The following AUTS2 variants were observed in gnomAD, a reference collection of about 807,000 sequenced individuals.
AUTS2 encodes activator of transcription and developmental regulator AUTS2.
Under a neutral mutation model 112.4 loss-of-function variants are expected in AUTS2, and 17 were observed. That is an observed-to-expected ratio of 0.15 (90% CI 0.10 to 0.23). The LOEUF (loss-of-function observed/expected upper bound fraction) is 0.23. Among genes scored for constraint, AUTS2 ranks in the 10% least tolerant of loss-of-function variants. The pLI is 1.00. For synonymous variants in AUTS2, 751 were observed against 702.7 expected (o/e 1.07, Z -1.09); for missense variants, 1,510 against 1,701.6 (o/e 0.89, Z 1.98).
chr7:69,862,824 A>G (rs920518264), intron 1 of AUTS2, among the ~76,000 whole-genome samples: 2 of 152,142 alleles, frequency 1.3e-5, no homozygotes, highest in Non-Finnish European at 2.9e-5. Context: ...TGATATGAAA[A>G]GGCAGCGGGA....
At chr7:70,527,762 A>T (rs944540863) in intron 5 of AUTS2, among the ~76,000 whole-genome samples, 1 of 152,202 alleles carries the variant, frequency 6.6e-6, no homozygotes, top group African/African-American at 2.4e-5. Context: ...CTGGGGGGGA[A>T]GTGTCAGTAT....
rs548853459 is a variant in AUTS2 at position 69,734,110 on chromosome 7, G to A, written c.309+134148G>A. 7.2e-5 allele frequency among the ~76,000 whole-genome samples: 11 copies of A among 152,222 alleles called. No homozygotes were observed. In the South Asian group the frequency reaches 1.2e-3, roughly 17 times the overall value. On this transcript the variant is annotated intron_variant, in intron 1 of 18. Coordinates refer to ENST00000342771, the MANE Select transcript of AUTS2 (RefSeq NM_015570.4). ...ACAAGCTCTTAATTACTCTGAATCC[G>A]TCTTTGTCTTAATAAAAGTTGGATT...
rs190497579 is a variant in AUTS2 at position 70,362,959 on chromosome 7, A to G, written c.661-72793A>G. On this transcript the variant is annotated intron_variant, in intron 4 of 18. Transcript: ENST00000342771. ...TGTTAAAGAAAGATAAATTATCTCA[A>G]TAACTCTGGAATGACATCAACCCCA... Among the ~76,000 whole-genome samples the G allele has an allele frequency of 2.1e-4, 32 of 152,326 alleles. 1 individual carries two copies. The highest frequency in any genetic ancestry group is 4.1e-4 in the Non-Finnish European group (28 of 68,032).
intron 5 of AUTS2, among the ~76,000 whole-genome samples, chr7:70,557,285 C>G (rs1801290875): frequency 6.6e-6 from 1 of 152,184 alleles, no homozygotes; most frequent in South Asian, 2.1e-4. Context: ...CACCCAGAAG[C>G]TGAAGACCCT....
chr7:70,157,356 G>T (rs936917491), intron 4 of AUTS2, among the ~76,000 whole-genome samples: 1 of 152,088 alleles, frequency 6.6e-6, no homozygotes, highest in East Asian at 1.9e-4. Context: ...TTGGCTCATT[G>T]CAGCCTCAAC....
At chr7:69,836,028 A>G (rs1791707423) in intron 1 of AUTS2, among the ~76,000 whole-genome samples, 1 of 152,178 alleles carries the variant, frequency 6.6e-6, no homozygotes, top group Non-Finnish European at 1.5e-5. Context: ...AGAAGCCACC[A>G]TTTATCTGTT....
At chr7:70,765,347 CA>C (rs1308137180) in intron 8 of AUTS2, among the ~76,000 whole-genome samples, 1 of 152,164 alleles carries the variant, frequency 6.6e-6, no homozygotes, top group East Asian at 1.9e-4. Context: ...GAAGCGTCCC[CA>C]AGCCCATGTC....
intron 1 of AUTS2, among the ~76,000 whole-genome samples, chr7:69,792,010 C>A (rs1789625721): frequency 1.3e-5 from 2 of 152,016 alleles, no homozygotes; most frequent in South Asian, 4.2e-4. Context: ...TGTCGATAGG[C>A]ATTCCTGCAG....
chr7:70,776,475 G>A (rs1265931590), intron 13 of AUTS2, among the ~76,000 whole-genome samples: 2 of 152,300 alleles, frequency 1.3e-5, no homozygotes, highest in East Asian at 3.9e-4. Context: ...AGAACAGGAA[G>A]GAAGGAATAT....
intron 4 of AUTS2, among the ~76,000 whole-genome samples, chr7:70,273,924 C>T (rs542691734): frequency 1.1e-3 from 162 of 152,194 alleles, no homozygotes; most frequent in African/African-American, 3.8e-3. Flanking sequence ...CATGTCTGTA[C>T]TTGAATAAGA....
intron 5 of AUTS2, among the ~76,000 whole-genome samples, chr7:70,516,933 G>T (rs1799440608): frequency 6.6e-6 from 1 of 152,096 alleles, no homozygotes; most frequent in African/African-American, 2.4e-5. Flanking sequence ...AAAAAAATGT[G>T]AGGGATTTGT....
At chr7:70,364,866 AT>A (rs1187402298) in intron 4 of AUTS2, among the ~76,000 whole-genome samples, 1 of 152,220 alleles carries the variant, frequency 6.6e-6, no homozygotes, top group Admixed American at 6.5e-5. Context: ...GAAATAAAAT[AT>A]TTTTTATTTA....
At chr7:70,171,092 A>G (rs1005942070) in intron 4 of AUTS2, among the ~76,000 whole-genome samples, 12 of 152,204 alleles carry the variant, frequency 7.9e-5, no homozygotes, top group Non-Finnish European at 1.8e-4. Flanking sequence ...TGTATGTCTC[A>G]TGGAGAAATC....
chr7:69,736,636 C>T (rs1446279851), intron 1 of AUTS2, among the ~76,000 whole-genome samples: 2 of 152,138 alleles, frequency 1.3e-5, no homozygotes, highest in African/African-American at 2.4e-5. Context: ...ATCCACTTAC[C>T]CTCTCAGTAA....
At chr7:70,177,856 GTTC>G (rs968772485) in intron 4 of AUTS2, among the ~76,000 whole-genome samples, 2 of 148,860 alleles carry the variant, frequency 1.3e-5, no homozygotes, top group African/African-American at 2.5e-5. Context: ...TAATACACTG[GTTC>G]TTCTTCCTGT....
chr7:70,305,290 A>C (rs1789442413), intron 4 of AUTS2, among the ~76,000 whole-genome samples: 1 of 152,192 alleles, frequency 6.6e-6, no homozygotes, highest in Admixed American at 6.5e-5. Flanking sequence ...ATTTCACTCC[A>C]TAATGTCCTA....
At chr7:70,374,926 T>C (rs1035005081) in intron 4 of AUTS2, among the ~76,000 whole-genome samples, 17 of 152,148 alleles carry the variant, frequency 1.1e-4, no homozygotes, top group Admixed American at 3.3e-4. Context: ...GAAACTGCCA[T>C]CCATAGACCC....
At chr7:70,500,185 AAAC>A (rs1422085263) in intron 5 of AUTS2, among the ~76,000 whole-genome samples, 1 of 151,798 alleles carries the variant, frequency 6.6e-6, no homozygotes, top group Non-Finnish European at 1.5e-5. Flanking sequence ...AAAAAAAAAA[AAAC>A]AAAACAAAAA....
At chr7:69,607,584 A>C (rs897527190) in intron 1 of AUTS2, among the ~76,000 whole-genome samples, 1 of 152,146 alleles carries the variant, frequency 6.6e-6, no homozygotes, top group Admixed American at 6.6e-5. Flanking sequence ...TTCTCAGCTT[A>C]TGTCTGAATT....
Sources: allele counts gnomAD v4.1 joint callset (sites outside exome capture counted in the v4.1 genomes callset), GRCh38; gene constraint gnomAD v4.1.1; transcripts MANE v1.5; gene names NCBI Gene and HGNC (gene_info 2026-07-23, HGNC 2026-07-21).